AGRN: variants seen among roughly 807,000 people sequenced by gnomAD.
The protein encoded by AGRN is agrin.
Under a neutral mutation model 211.0 loss-of-function variants are expected in AGRN, and 106 were observed. That is an observed-to-expected ratio of 0.50 (90% CI 0.43 to 0.59). AGRN has a LOEUF of 0.59. AGRN is among the 20% of genes least tolerant of loss of function. AGRN has a pLI of 0.00. For synonymous variants in AGRN, 1,525 were observed against 1,332.5 expected (o/e 1.14, Z -3.15); for missense variants, 3,040 against 2,982.6 (o/e 1.02, Z -0.45).
At chr1:1,030,836 C>CTG (rs1191413180) in intron 2 of AGRN, among the ~76,000 whole-genome samples, 2 of 105,588 alleles carry the variant, frequency 1.9e-5, no homozygotes, top group Admixed American at 1.1e-4. Flanking sequence ...GTGCATGGTG[C>CTG]TGTGAGATCA....
chr1:1,050,965 C>T (rs1170745258), intron 30 of AGRN, 128 bp downstream of exon 30: 3 of 1,549,428 alleles, frequency 1.9e-6, no homozygotes, highest in South Asian at 1.2e-5. Flanking sequence ...CTGCCCTGTC[C>T]TCTGCCTCCT....
In AGRN at chr1:1,041,617, C is replaced by T. The variant is rs1436268521; in HGVS notation, c.1092C>T (p.Tyr364=). 3 of 1,611,380 alleles carry T rather than the reference C, an allele frequency of 1.9e-6. No individual in the cohort carries two copies. The highest frequency in any genetic ancestry group is 1.1e-5 in the South Asian group (1 of 91,006). ...APVCGDDGVT[Y]ENDCVMGRSG... ...TGTGTGGGGACGACGGAGTCACCTA[C>T]GAAAACGACTGTGTCATGGGCCGAT... The change falls in exon 6 of 36, where the codon TAC becomes TAT. Residue 364 remains tyrosine (Y), a synonymous_variant. Coordinates refer to ENST00000379370, the MANE Select transcript of AGRN (RefSeq NM_198576.4).
In AGRN at chr1:1,022,466, C is replaced by T. The variant is rs1644427555; in HGVS notation, c.463+4C>T. 4.4e-6 allele frequency: 7 copies of T among 1,602,140 alleles called. No individual in the cohort carries two copies. The highest frequency in any genetic ancestry group is 2.2e-5 in the South Asian group (2 of 90,300). ...GAGGTGGAGTTCTGTGTGGAAGGTGCGTGGTGGGGGGCTCGTGTGGGGGCC... is the reference window on the plus strand; with the variant it reads ...GAGGTGGAGTTCTGTGTGGAAGGTGTGTGGTGGGGGGCTCGTGTGGGGGCC... On this transcript the variant is annotated splice_donor_region_variant and intron_variant, in intron 2 of 35. Coordinates refer to ENST00000379370, the MANE Select transcript of AGRN (RefSeq NM_198576.4).
At position 1,051,811 on chromosome 1, in the gene AGRN, G is replaced by A. The variant is rs139415524; in HGVS notation, c.5647G>A (p.Glu1883Lys). ...TFVEYLNAVT[E>K]SEKALQSNHF... ...TGTCGAGTACCTCAACGCTGTGACC[G>A]AGAGGTAACGTGCCATCCTCTGCTG... Residue 1883 changes from glutamate to lysine, a missense_variant, in exon 33 of 36, where the codon GAG becomes AAG. Glu to Lys is a moderately conservative substitution (Grantham distance 56). Around this residue, in one of 3 missense-constraint regions of AGRN, gnomAD observed 1,537 missense variants for 1,505.0 expected, o/e 1.02. Coordinates refer to ENST00000379370, the MANE Select transcript of AGRN (RefSeq NM_198576.4). The A allele has an allele frequency of 3.3e-4, 527 of 1,613,624 alleles. 1 individual carries two copies. The African/African-American group carries it at 5.4e-3, about 17-fold the overall frequency.
At chr1:1,033,201 GC>G (rs1174805006) in intron 2 of AGRN, among the ~76,000 whole-genome samples, 1 of 152,022 alleles carries the variant, frequency 6.6e-6, no homozygotes, top group African/African-American at 2.4e-5. Flanking sequence ...AGTCGGGGGC[GC>G]CGGCGACTGG....
At chr1:1,030,082 C>A (rs772149256) in intron 2 of AGRN, among the ~76,000 whole-genome samples, 21 of 82,054 alleles carry the variant, frequency 2.6e-4, no homozygotes, top group Admixed American at 4.6e-4. Flanking sequence ...TGTGCAGTGC[C>A]TGGTGCTGTG....
chr1:1,030,390 T>C (rs1644637052), intron 2 of AGRN, among the ~76,000 whole-genome samples: 1 of 104,770 alleles, frequency 9.5e-6, no homozygotes, highest in African/African-American at 3.5e-5. Flanking sequence ...TGTGTGTGTG[T>C]GTGCAGTGCA....
In AGRN at chr1:1,049,768, C is replaced by T. The variant is rs972793191; in HGVS notation, c.4717C>T (p.His1573Tyr). 6 of 1,587,656 alleles carry T rather than the reference C, an allele frequency of 3.8e-6. No individual in the cohort carries two copies. Among genetic ancestry groups the T allele is most frequent in the Non-Finnish European group, 5.1e-6 (6 of 1,168,518 alleles). ...PCQNLEAGRF[H>Y]CQCPPGRVGP... ...CCAGAACCTGGAGGCTGGAAGGTTC[C>T]ATTGCCAGTGCCCGCCCGGCCGCGT... Residue 1573 changes from histidine to tyrosine, a missense_variant, in exon 26 of 36, where the codon CAT (histidine) becomes TAT (tyrosine). His to Tyr is a moderately conservative substitution (Grantham distance 83). Around this residue, in one of 3 missense-constraint regions of AGRN, gnomAD observed 1,537 missense variants for 1,505.0 expected, o/e 1.02. Coordinates refer to ENST00000379370, the MANE Select transcript of AGRN (RefSeq NM_198576.4).
chr1:1,048,165 C>T lies in AGRN; in HGVS notation c.3905C>T (p.Thr1302Met), dbSNP rs745898927. The T allele has an allele frequency of 2.0e-5, 32 of 1,579,414 alleles. No individual in the cohort carries two copies. Among genetic ancestry groups the T allele is most frequent in the Admixed American group, 6.9e-5 (4 of 57,948 alleles). Reference protein sequence around the residue: ...SHTSQPVAKTTAAPTTRRPPT... With the variant: ...SHTSQPVAKTMAAPTTRRPPT... Reference sequence around the variant, plus strand: ...ACAAGCCAGCCCGTTGCCAAGACCACGGCAGCCCCCACCACACGTCGGCCC... The same window carrying T: ...ACAAGCCAGCCCGTTGCCAAGACCATGGCAGCCCCCACCACACGTCGGCCC... Residue 1302 changes from threonine (T) to methionine (M), a missense_variant, in exon 23 of 36, where the codon ACG becomes ATG. Transcript: ENST00000379370. This position sits in a 1 kb window ranked among gnomAD's most constrained non-coding sequence, Gnocchi z 5.9.
At chr1:1,024,826 A>G (rs886158798) in intron 2 of AGRN, among the ~76,000 whole-genome samples, 1 of 152,072 alleles carries the variant, frequency 6.6e-6, no homozygotes. Flanking sequence ...TGGCATAACT[A>G]AGACAGGTAT....
At chr1:1,036,397 T>G (rs1246265005) in intron 3 of AGRN, among the ~76,000 whole-genome samples, 1 of 152,068 alleles carries the variant, frequency 6.6e-6, no homozygotes, top group African/African-American at 2.4e-5. Context: ...TTTAGGCACC[T>G]GGGAACCGGA....
chr1:1,043,018 C>T (rs1448635068), intron 7 of AGRN, among the ~76,000 whole-genome samples: 3 of 151,904 alleles, frequency 2.0e-5, no homozygotes, highest in African/African-American at 7.3e-5. Context: ...GGGGCAGCCT[C>T]GCCCGCAGCC....
At chr1:1,035,120 T>TG (rs1265272655) in intron 2 of AGRN, 157 bp from the exon 3 acceptor site, 2 of 792,308 alleles carry the variant, frequency 2.5e-6, no homozygotes, top group African/African-American at 4.2e-5. Flanking sequence ...AGCCAGCCCA[T>TG]GGGGTCAGGG....
chr1:1,051,180 C>CGGG, intron 30 of AGRN, 73 bp from the exon 31 acceptor site: 1 of 1,517,772 alleles, frequency 6.6e-7, no homozygotes, highest in Non-Finnish European at 8.9e-7. Flanking sequence ...GGGGCGGGTG[C>CGGG]GTGCAGGTGC....
chr1:1,053,807 G>C lies in AGRN; in HGVS notation c.5706G>C (p.Thr1902=). The C allele has an allele frequency of 6.2e-7, 1 of 1,611,066 alleles. No individual in the cohort carries two copies. Among genetic ancestry groups the C allele is most frequent in the Non-Finnish European group, 8.5e-7 (1 of 1,179,302 alleles). ...AACTGAGCCTGCGCACTGAGGCCAC[G>C]CAGGGGCTGGTGCTCTGGAGTGGCA... The part of the protein sequence containing the change: ...HFELSLRTEA[T]QGLVLWSGKA... Residue 1902 remains threonine, a synonymous_variant, in exon 34 of 36, where the codon ACG becomes ACC. Coordinates refer to ENST00000379370, the MANE Select transcript of AGRN (RefSeq NM_198576.4).
chr1:1,049,856 C>T (rs772356272), intron 26 of AGRN, 47 bp from the exon 27 acceptor site: 27 of 1,611,384 alleles, frequency 1.7e-5, no homozygotes, highest in South Asian at 1.1e-4. Flanking sequence ...GGTACCCAAC[C>T]GACGCCTCCT....
At chr1:1,023,385 C>T (rs1018232253) in intron 2 of AGRN, among the ~76,000 whole-genome samples, 3 of 152,150 alleles carry the variant, frequency 2.0e-5, no homozygotes, top group African/African-American at 4.8e-5. Context: ...AAATAAGGAA[C>T]GCTGCGGCCT....
Position 1,048,340 on chromosome 1 carries a change from C to A in AGRN, c.4080C>A (p.Gly1360=). 1 of 1,470,772 alleles carries A rather than the reference C, an allele frequency of 6.8e-7. No individual in the cohort carries two copies. Among genetic ancestry groups the A allele is most frequent in the Non-Finnish European group, 9.0e-7 (1 of 1,107,954 alleles). 91.1% of individuals were successfully genotyped at this position (1,470,772 alleles called of 1,614,324 possible). A position where few individuals can be genotyped will look rare whatever the true frequency, so the allele number is the denominator to read the frequency against. ...GGGFTCSCPA[G]RGGAVCEKVL... ...GCTTCACCTGCAGCTGCCCGGCAGG[C>A]AGGGGAGGCGCCGTCTGTGAGAAGG... The change falls in exon 23 of 36, where the codon GGC becomes GGA. Residue 1360 remains glycine, a synonymous_variant. Transcript: ENST00000379370. The surrounding 1 kb of genome is among the most constrained non-coding windows in gnomAD (Gnocchi z 5.9).
At chr1:1,034,009 C>T (rs1299808542) in intron 2 of AGRN, 3 of 611,678 alleles carry the variant, frequency 4.9e-6, no homozygotes, top group African/African-American at 2.0e-5. Context: ...CTCCCCAGCC[C>T]CGCGGGGACG....
Sources: gnomAD v4.1 joint callset for allele counts (sites outside exome capture counted in the v4.1 genomes callset) on GRCh38, gnomAD v4.1.1 for gene constraint, gnomAD v4.1.1 regional missense constraint, Gnocchi (gnomAD v3.1) non-coding constraint, MANE v1.5 for transcripts, NCBI Gene and HGNC (gene_info 2026-07-23, HGNC 2026-07-21) for gene names.